GPHN: variants seen among roughly 807,000 people sequenced by gnomAD.
The protein encoded by GPHN is gephyrin.
GPHN carries 17 observed loss-of-function variants against 95.5 expected under a neutral mutation model. The observed-to-expected ratio is 0.18, with a 90% CI of 0.12 to 0.27. The LOEUF (loss-of-function observed/expected upper bound fraction) is 0.27. GPHN is among the 10% of genes least tolerant of loss of function. The pLI is 1.00. For missense variants in GPHN, 660 were observed against 978.1 expected, an observed-to-expected ratio of 0.67 and a Z score of 4.34; for synonymous variants, 320 against 322.5, an observed-to-expected ratio of 0.99 and a Z score of 0.08.
intron 2 of GPHN, among the ~76,000 whole-genome samples, chr14:66,739,734 A>G (rs1331694917): frequency 6.6e-6 from 1 of 152,162 alleles, no homozygotes; most frequent in East Asian, 1.9e-4. Context: ...GAAATGAAGT[A>G]CTATGAATAA....
At chr14:66,576,932 G>A (rs574213663) in intron 1 of GPHN, among the ~76,000 whole-genome samples, 11 of 152,098 alleles carry the variant, frequency 7.2e-5, no homozygotes, top group Non-Finnish European at 1.3e-4. Context: ...ATATTTAAGG[G>A]TCATGAATTG....
At chr14:67,365,105 A>G in the GPHN span, 4 of 1,343,008 alleles carry the variant, frequency 3.0e-6, no homozygotes, top group South Asian at 6.3e-5. Context: ...CTTAAAAAAA[A>G]AAGCTCCTTT....
chr14:67,584,753 C>T, the GPHN span, among the ~76,000 whole-genome samples: 1 of 152,194 alleles, frequency 6.6e-6, no homozygotes, highest in African/African-American at 2.4e-5. Context: ...AGACACAGTC[C>T]TTGCCTTCCT....
At chr14:67,111,750 T>G in intron 14 of GPHN, 111 bp from the exon 15 acceptor site, 1 of 806,658 alleles carries the variant, frequency 1.2e-6, no homozygotes, top group South Asian at 1.4e-5. Context: ...GTTTTCTTTT[T>G]GTCTATATTT....
the GPHN span, among the ~76,000 whole-genome samples, chr14:67,531,457 A>G: frequency 1.3e-5 from 2 of 152,064 alleles, no homozygotes; most frequent in Non-Finnish European, 2.9e-5. Context: ...CAATGGTGAG[A>G]TGCACTCTAT....
intron 9 of GPHN, among the ~76,000 whole-genome samples, chr14:66,987,278 A>G (rs2071090474): frequency 6.6e-6 from 1 of 152,096 alleles, no homozygotes; most frequent in Non-Finnish European, 1.5e-5. Flanking sequence ...GTGAGAAGGT[A>G]CAGAACGACA....
chr14:67,580,069 C>T, the GPHN span: 1 of 575,130 alleles, frequency 1.7e-6, no homozygotes, highest in East Asian at 2.9e-5. Context: ...GTTGTGTGCC[C>T]TTGTCTCTGG....
At chr14:67,258,673 C>T in the GPHN span, among the ~76,000 whole-genome samples, 2 of 152,194 alleles carry the variant, frequency 1.3e-5, no homozygotes, top group Non-Finnish European at 2.9e-5. Context: ...CCACCTGCCT[C>T]GGCCTCCCAA....
the GPHN span, among the ~76,000 whole-genome samples, chr14:67,246,244 C>CAAAA: frequency 6.6e-6 from 1 of 151,660 alleles, no homozygotes; most frequent in Non-Finnish European, 1.5e-5. Flanking sequence ...CAGGTTCAAG[C>CAAAA]AATCCTCCCA....
the GPHN span, chr14:67,725,002 G>GA: frequency 7.4e-7 from 1 of 1,358,672 alleles, no homozygotes; most frequent in Admixed American, 1.7e-5. Flanking sequence ...ATGGCTGGGA[G>GA]AATGAATGCT....
chr14:66,530,556 A>G (rs147433117), intron 1 of GPHN, among the ~76,000 whole-genome samples: 527 of 152,200 alleles, frequency 3.5e-3, no homozygotes, highest in African/African-American at 0.012. Flanking sequence ...ACGACCACTC[A>G]GTTTTCTGTT....
the GPHN span, among the ~76,000 whole-genome samples, chr14:67,413,103 T>A: frequency 1.3e-5 from 2 of 151,978 alleles, no homozygotes; most frequent in Admixed American, 1.3e-4. Flanking sequence ...AAATCAAAAT[T>A]AATGTCAAAA....
chr14:67,098,628 G>C (rs2077524768), intron 12 of GPHN, among the ~76,000 whole-genome samples: 1 of 152,082 alleles, frequency 6.6e-6, no homozygotes, highest in African/African-American at 2.4e-5. Context: ...TGACCAATAT[G>C]ATGAAACCCC....
intron 2 of GPHN, among the ~76,000 whole-genome samples, chr14:66,703,863 C>T (rs1039601455): frequency 6.6e-6 from 1 of 151,630 alleles, no homozygotes; most frequent in African/African-American, 2.4e-5. Context: ...TTTTCAAGAC[C>T]TATTGGTGTG....
the GPHN span, among the ~76,000 whole-genome samples, chr14:67,711,026 T>C: frequency 2.6e-5 from 4 of 152,222 alleles, no homozygotes; most frequent in African/African-American, 9.6e-5. Context: ...ACCTTCAAAC[T>C]GTCCTTGTTC....
At chr14:66,569,668 A>G (rs1194576994) in intron 1 of GPHN, among the ~76,000 whole-genome samples, 1 of 152,078 alleles carries the variant, frequency 6.6e-6, no homozygotes, top group African/African-American at 2.4e-5. Flanking sequence ...CTCAAAAAAA[A>G]AAAAATTAAA....
the GPHN span, among the ~76,000 whole-genome samples, chr14:67,512,602 C>T: frequency 6.6e-6 from 1 of 152,184 alleles, no homozygotes; most frequent in East Asian, 1.9e-4. Context: ...TTAGCTATCC[C>T]TTCCCTCCCC....
At chr14:67,117,229 A>T (rs2078745151) in intron 16 of GPHN, among the ~76,000 whole-genome samples, 1 of 152,234 alleles carries the variant, frequency 6.6e-6, no homozygotes, top group Admixed American at 6.5e-5. Context: ...AACCAGTTCA[A>T]ATAGTATCTT....
chr14:67,581,420 G>T, the GPHN span, among the ~76,000 whole-genome samples: 3 of 152,046 alleles, frequency 2.0e-5, no homozygotes, highest in South Asian at 2.1e-4. Flanking sequence ...AGCTACTCAG[G>T]GGGGCTGAGG....
Sources: gnomAD v4.1 joint callset for allele counts (sites outside exome capture counted in the v4.1 genomes callset) on GRCh38, gnomAD v4.1.1 for gene constraint, MANE v1.5 for transcripts, NCBI Gene and HGNC (gene_info 2026-07-23, HGNC 2026-07-21) for gene names.